Variants in DPP10 observed in about 807,000 individuals in gnomAD.
DPP10 encodes the protein dipeptidyl peptidase like 10, also known as inactive dipeptidyl peptidase 10.
In DPP10, 33 loss-of-function variants were observed where a neutral mutation model predicts 120.9. The ratio of observed to expected loss-of-function variants is 0.27; its 90% CI spans 0.21 to 0.37. The LOEUF (loss-of-function observed/expected upper bound fraction) is 0.37, where lower values mean the gene tolerates loss of function less well. Ranked by LOEUF, DPP10 falls within the 10% of genes least tolerant of loss-of-function variation. The probability of loss-of-function intolerance (pLI) is 1.00; values close to 1 mark genes in which losing one functional copy is unlikely to be tolerated. For synonymous variants in DPP10, 337 were observed against 326.1 expected (o/e 1.03, Z -0.36); for missense variants, 816 against 942.8 (o/e 0.87, Z 1.76).
chr2:114,917,520 C>CA lies in DPP10; in HGVS notation c.61-391710dup, dbSNP rs200833213. Reference sequence around the variant, plus strand: ...TGAATAGCCAAAGCAATCCTCAGCACAAAAAAAAAGCTGGAGGCATCACCT... The same window carrying CA: ...TGAATAGCCAAAGCAATCCTCAGCACAAAAAAAAAAGCTGGAGGCATCACCT... On this transcript the variant is annotated intron_variant, in intron 1 of 25. Coordinates refer to ENST00000410059, the MANE Select transcript of DPP10 (RefSeq NM_020868.6). 9.9e-3 allele frequency among the ~76,000 whole-genome samples: 1,493 copies of CA among 150,388 alleles called. 18 individuals are homozygous for CA. Among genetic ancestry groups the CA allele is most frequent in the African/African-American group, 0.035 (1,438 of 40,972 alleles).
At chr2:115,005,742 T>G (rs1236321569) in intron 1 of DPP10, among the ~76,000 whole-genome samples, 3 of 152,178 alleles carry the variant, frequency 2.0e-5, no homozygotes, top group Non-Finnish European at 4.4e-5. Context: ...TGCGTCTGAT[T>G]GGTGTACCTG....
chr2:115,458,501 C>T (rs1021977683), intron 3 of DPP10, among the ~76,000 whole-genome samples: 1 of 151,976 alleles, frequency 6.6e-6, no homozygotes, highest in Non-Finnish European at 1.5e-5. Flanking sequence ...CAACTGCTTT[C>T]TGTATTCCTA....
intron 1 of DPP10, among the ~76,000 whole-genome samples, chr2:115,132,894 T>C (rs1426823159): frequency 6.6e-6 from 1 of 151,990 alleles, no homozygotes; most frequent in Non-Finnish European, 1.5e-5. Flanking sequence ...AAAAACTCTG[T>C]GCAGGTATGA....
chr2:114,470,504 A>G (rs1054390435), intron 1 of DPP10, among the ~76,000 whole-genome samples: 8 of 152,224 alleles, frequency 5.3e-5, no homozygotes, highest in African/African-American at 1.9e-4. Context: ...AGACAGGCTA[A>G]GCCTTACTAA....
In DPP10 at chr2:114,747,903, C is replaced by T. The variant is rs71418515; in HGVS notation, c.60+305065C>T. Among the ~76,000 whole-genome samples the T allele has an allele frequency of 8.5e-5, 13 of 152,186 alleles. No homozygotes were observed. In the East Asian group the frequency reaches 2.5e-3, roughly 29 times the overall value. On this transcript the variant is annotated intron_variant, in intron 1 of 25. Coordinates refer to ENST00000410059, the MANE Select transcript of DPP10 (RefSeq NM_020868.6). ...CATTCCTCGGAGAATGTGCTCTAAA[C>T]CAGTGCCACTCAAATTACGGTCTAT...
chr2:115,665,883 T>A (rs1242739964), intron 5 of DPP10, among the ~76,000 whole-genome samples: 1 of 152,208 alleles, frequency 6.6e-6, no homozygotes, highest in Non-Finnish European at 1.5e-5. Flanking sequence ...TTCTTTTTTT[T>A]AATTTCTTTT....
At chr2:114,514,272 G>A (rs1221719261) in intron 1 of DPP10, among the ~76,000 whole-genome samples, 2 of 152,148 alleles carry the variant, frequency 1.3e-5, no homozygotes, top group African/African-American at 4.8e-5. Flanking sequence ...ACCCTGTGAT[G>A]TACACACTCT....
intron 2 of DPP10, among the ~76,000 whole-genome samples, chr2:115,324,262 C>T (rs1024164091): frequency 6.6e-5 from 10 of 152,014 alleles, no homozygotes; most frequent in African/African-American, 9.7e-5. Context: ...GGTGACAGAG[C>T]GACACTCCGT....
At chr2:115,259,605 G>T (rs964592692) in intron 1 of DPP10, among the ~76,000 whole-genome samples, 1 of 152,002 alleles carries the variant, frequency 6.6e-6, no homozygotes, top group East Asian at 1.9e-4. Context: ...TTGTTCATTG[G>T]CCAAGAACAT....
chr2:115,181,454 C>A (rs1391432809), intron 1 of DPP10, among the ~76,000 whole-genome samples: 1 of 152,136 alleles, frequency 6.6e-6, no homozygotes, highest in Admixed American at 6.5e-5. Flanking sequence ...GTCAGGAAGA[C>A]TTCACTCATA....
At chr2:114,975,365 T>C (rs1034343107) in intron 1 of DPP10, among the ~76,000 whole-genome samples, 5 of 152,248 alleles carry the variant, frequency 3.3e-5, no homozygotes, top group African/African-American at 1.2e-4. Flanking sequence ...AATCACATTA[T>C]TTTGCAAACA....
At chr2:114,525,871 C>T (rs1351132796) in intron 1 of DPP10, among the ~76,000 whole-genome samples, 2 of 152,092 alleles carry the variant, frequency 1.3e-5, no homozygotes, top group African/African-American at 4.8e-5. Flanking sequence ...CTACCTTTAC[C>T]ATGAAGCATT....
rs1350231779 is a variant in DPP10 at position 114,636,447 on chromosome 2, G to T, written c.60+193609G>T. Among the ~76,000 whole-genome samples the T allele has an allele frequency of 1.3e-5, 2 of 151,954 alleles. 1 individual carries two copies. Among genetic ancestry groups the T allele is most frequent in the African/African-American group, 4.9e-5 (2 of 41,212 alleles). ...CAAATATTCGGTGCCAAAGACACTA[G>T]CAGTTCTACCCAAAATTCCTTTTGC... On this transcript the variant is annotated intron_variant, in intron 1 of 25. Transcript: ENST00000410059.
intron 1 of DPP10, among the ~76,000 whole-genome samples, chr2:114,842,989 C>A (rs76594701): frequency 0.022 from 3,342 of 152,014 alleles, 134 homozygotes; most frequent in African/African-American, 0.077. Flanking sequence ...GTGACGTGCT[C>A]AGTAAAAGGG....
At chr2:115,759,296 TC>T (rs1256651812) in intron 11 of DPP10, among the ~76,000 whole-genome samples, 2 of 151,946 alleles carry the variant, frequency 1.3e-5, no homozygotes, top group African/African-American at 4.8e-5. Flanking sequence ...TGGTGGCTCA[TC>T]CTTGTAATTT....
intron 5 of DPP10, among the ~76,000 whole-genome samples, chr2:115,619,892 G>T (rs2084816973): frequency 6.6e-6 from 1 of 152,066 alleles, no homozygotes; most frequent in Admixed American, 6.5e-5. Context: ...AAAAAATTTG[G>T]GAAGGATATT....
intron 1 of DPP10, among the ~76,000 whole-genome samples, chr2:114,464,580 C>G (rs563190399): frequency 7.2e-5 from 11 of 152,302 alleles, no homozygotes; most frequent in Admixed American, 4.6e-4. Flanking sequence ...GTGTCCTTCA[C>G]AGAACAAAGG....
chr2:114,486,793 TTTC>T (rs1188125017), intron 1 of DPP10, among the ~76,000 whole-genome samples: 4 of 152,200 alleles, frequency 2.6e-5, no homozygotes, highest in African/African-American at 9.6e-5. Context: ...TGATGATGCT[TTTC>T]TTCAATTATA....
At chr2:114,478,867 C>G (rs1402284295) in intron 1 of DPP10, among the ~76,000 whole-genome samples, 2 of 151,960 alleles carry the variant, frequency 1.3e-5, no homozygotes, top group Non-Finnish European at 2.9e-5. Flanking sequence ...CTTAATAAAG[C>G]ATGTACAGAA....
Sources: allele counts gnomAD v4.1 joint callset (sites outside exome capture counted in the v4.1 genomes callset), GRCh38; gene constraint gnomAD v4.1.1; transcripts MANE v1.5; gene names NCBI Gene and HGNC (gene_info 2026-07-23, HGNC 2026-07-21).